Variants in NELL1 observed in about 807,000 individuals in gnomAD.
The protein encoded by NELL1 is protein kinase C-binding protein NELL1.
Under a neutral mutation model 107.4 loss-of-function variants are expected in NELL1, and 76 were observed. That is an observed-to-expected ratio of 0.71 (90% confidence interval 0.59 to 0.86). The LOEUF (loss-of-function observed/expected upper bound fraction) is 0.86, where lower values mean the gene tolerates loss of function less well. NELL1 is among the 40% of genes least tolerant of loss of function. The pLI, the probability that NELL1 is intolerant of heterozygous loss-of-function variation, is 0.00. For synonymous variants in NELL1, 353 were observed against 341.2 expected (o/e 1.03, Z -0.38); for missense variants, 1,024 against 1,005.5 (o/e 1.02, Z -0.25).
chr11:20,788,161 T>C (rs1463852026), intron 3 of NELL1, among the ~76,000 whole-genome samples: 1 of 152,238 alleles, frequency 6.6e-6, no homozygotes, highest in Non-Finnish European at 1.5e-5. Flanking sequence ...ATAATGCTGC[T>C]ATGAACATTT....
At chr11:21,214,306 TA>T (rs1215403621) in intron 13 of NELL1, among the ~76,000 whole-genome samples, 1 of 152,140 alleles carries the variant, frequency 6.6e-6, no homozygotes, top group Non-Finnish European at 1.5e-5. Flanking sequence ...TTTCCAGATT[TA>T]AAATGCTCAA....
chr11:20,955,729 A>G (rs1851156904), intron 11 of NELL1, among the ~76,000 whole-genome samples: 1 of 152,240 alleles, frequency 6.6e-6, no homozygotes, highest in Non-Finnish European at 1.5e-5. Flanking sequence ...CTAGCATGCC[A>G]GGCATATTAT....
intron 7 of NELL1, among the ~76,000 whole-genome samples, chr11:20,920,329 T>G (rs1850350291): frequency 6.6e-6 from 1 of 152,000 alleles, no homozygotes; most frequent in Admixed American, 6.6e-5. Flanking sequence ...AAAAAATTGG[T>G]GGGTAGATAA....
intron 13 of NELL1, among the ~76,000 whole-genome samples, chr11:21,177,083 C>T (rs1412985738): frequency 6.6e-5 from 10 of 151,818 alleles, no homozygotes; most frequent in South Asian, 4.1e-4. Flanking sequence ...ATCTCGCATA[C>T]GTATCCCTTC....
At position 21,158,343 on chromosome 11, in the gene NELL1, A is replaced by G. The variant is rs1003978421; in HGVS notation, c.1426+44629A>G. Among the ~76,000 whole-genome samples, 4 of 152,158 alleles carry G rather than the reference A, an allele frequency of 2.6e-5. No individual in the cohort carries two copies. In the South Asian group the frequency reaches 6.2e-4, roughly 24 times the overall value. Reference sequence around the variant, plus strand: ...TGATCATGTGAGTCAATACTCCTCAATAAACTCCCTTTCATATATACCTCT... The same window carrying G: ...TGATCATGTGAGTCAATACTCCTCAGTAAACTCCCTTTCATATATACCTCT... On this transcript the variant is annotated intron_variant, in intron 13 of 19. Transcript: ENST00000357134.
At chr11:21,076,324 A>G (rs1436858290) in intron 12 of NELL1, among the ~76,000 whole-genome samples, 1 of 152,230 alleles carries the variant, frequency 6.6e-6, no homozygotes, top group Non-Finnish European at 1.5e-5. Context: ...TTCATCCACT[A>G]GAGCCTGTAA....
chr11:21,342,765 A>G (rs1199288904), intron 14 of NELL1, among the ~76,000 whole-genome samples: 2 of 152,002 alleles, frequency 1.3e-5, no homozygotes, highest in Non-Finnish European at 2.9e-5. Flanking sequence ...TGAGGAACTT[A>G]GCATTGTGTC....
intron 15 of NELL1, among the ~76,000 whole-genome samples, chr11:21,445,413 G>A (rs1349278212): frequency 2.0e-5 from 3 of 151,856 alleles, no homozygotes; most frequent in Non-Finnish European, 2.9e-5. Flanking sequence ...CACAACCTCC[G>A]CCTCCCAGGT....
chr11:21,189,422 A>G (rs1361692885), intron 13 of NELL1, among the ~76,000 whole-genome samples: 1 of 151,828 alleles, frequency 6.6e-6, no homozygotes, highest in Non-Finnish European at 1.5e-5. Flanking sequence ...ACATTTACAT[A>G]TCTTTGTTCA....
At chr11:20,821,986 T>C (rs1340725195) in intron 3 of NELL1, among the ~76,000 whole-genome samples, 1 of 152,216 alleles carries the variant, frequency 6.6e-6, no homozygotes, top group African/African-American at 2.4e-5. Flanking sequence ...TTTTCCATTT[T>C]TCTCTTTTCT....
At chr11:21,272,964 A>C (rs1351031193) in intron 14 of NELL1, among the ~76,000 whole-genome samples, 1 of 152,258 alleles carries the variant, frequency 6.6e-6, no homozygotes, top group African/African-American at 2.4e-5. Flanking sequence ...AAAACAGAGC[A>C]GAAAAACTGG....
intron 13 of NELL1, among the ~76,000 whole-genome samples, chr11:21,175,864 A>C (rs1278367768): frequency 6.6e-6 from 1 of 151,834 alleles, no homozygotes; most frequent in African/African-American, 2.4e-5. Flanking sequence ...GTGCCGTCCA[A>C]TTTTGCCTTA....
At chr11:21,564,838 G>C (rs183006144) in intron 17 of NELL1, among the ~76,000 whole-genome samples, 1 of 152,022 alleles carries the variant, frequency 6.6e-6, no homozygotes, top group Non-Finnish European at 1.5e-5. Flanking sequence ...TCATGAGATT[G>C]TCTGGAATCA....
chr11:20,843,301 A>G (rs1848650056), intron 3 of NELL1, among the ~76,000 whole-genome samples: 1 of 152,114 alleles, frequency 6.6e-6, no homozygotes, highest in African/African-American at 2.4e-5. Flanking sequence ...CAGAAAAATC[A>G]TTGTTGGAAT....
At chr11:21,563,629 A>G (rs1437273481) in intron 17 of NELL1, among the ~76,000 whole-genome samples, 1 of 152,020 alleles carries the variant, frequency 6.6e-6, no homozygotes, top group Non-Finnish European at 1.5e-5. Context: ...ATATGGGAGG[A>G]TATGCATAGG....
intron 15 of NELL1, among the ~76,000 whole-genome samples, chr11:21,478,018 G>A (rs906613577): frequency 5.3e-5 from 8 of 152,044 alleles, no homozygotes; most frequent in African/African-American, 1.9e-4. Flanking sequence ...GATACTACCA[G>A]AAAATGGGTA....
In NELL1 at chr11:21,541,141, T is replaced by C. The variant is rs1236353406; in HGVS notation, c.1786+6627T>C. 2.6e-5 allele frequency among the ~76,000 whole-genome samples: 4 copies of C among 152,116 alleles called. No individual in the cohort carries two copies. In the East Asian group the frequency reaches 7.8e-4, roughly 30 times the overall value. On this transcript the variant is annotated intron_variant, in intron 16 of 19. Transcript: ENST00000357134. ...TTGGTTGTGTTATTTTTACCTATCA[T>C]ATAAAATGTTTCATTCACAAGAAAG... is the stretch of plus-strand genomic sequence containing the variant.
chr11:21,312,520 A>G (rs1849771120), intron 14 of NELL1, among the ~76,000 whole-genome samples: 2 of 152,148 alleles, frequency 1.3e-5, no homozygotes, highest in Non-Finnish European at 2.9e-5. Context: ...CCTGCCAGAC[A>G]CTGGCTTCAG....
chr11:21,540,363 G>T (rs528544053), intron 16 of NELL1, among the ~76,000 whole-genome samples: 2 of 151,944 alleles, frequency 1.3e-5, no homozygotes, highest in African/African-American at 4.8e-5. Context: ...CTTCCCAGTC[G>T]CTGGTATTGA....
Sources: gnomAD v4.1 joint callset for allele counts (sites outside exome capture counted in the v4.1 genomes callset) on GRCh38, gnomAD v4.1.1 for gene constraint, MANE v1.5 for transcripts, NCBI Gene and HGNC (gene_info 2026-07-23, HGNC 2026-07-21) for gene names.